Variants in GAN observed in about 807,000 individuals in gnomAD.
The protein encoded by GAN is epididymis secretory sperm binding protein.
In GAN, 48 loss-of-function variants were observed where a neutral mutation model predicts 71.3. The observed-to-expected ratio is 0.67, with a 90% CI of 0.53 to 0.86. The LOEUF is 0.86. Among genes scored for constraint, GAN ranks in the 40% least tolerant of loss-of-function variants. The pLI is 0.00. For missense variants in GAN, 928 were observed against 770.1 expected (o/e 1.21, Z -2.43); for synonymous variants, 386 against 276.8 (o/e 1.39, Z -3.92).
intron 9 of GAN, among the ~76,000 whole-genome samples, chr16:81,374,092 T>C (rs1300214590): frequency 6.6e-6 from 1 of 152,212 alleles, no homozygotes; most frequent in Admixed American, 6.5e-5. Context: ...TTGAAGGTTA[T>C]TGGTTCGTTA....
intron 1 of GAN, among the ~76,000 whole-genome samples, chr16:81,341,870 T>C (rs1909954495): frequency 6.6e-6 from 1 of 152,168 alleles, no homozygotes; most frequent in African/African-American, 2.4e-5. Context: ...CCCATCAGTG[T>C]GCTGTGTTCA....
At chr16:81,343,380 C>G (rs554504672) in intron 1 of GAN, among the ~76,000 whole-genome samples, 2 of 152,356 alleles carry the variant, frequency 1.3e-5, no homozygotes, top group South Asian at 4.1e-4. Flanking sequence ...AAAATACTGG[C>G]AAGCCGAATC....
chr16:81,330,530 A>C (rs573558498), intron 1 of GAN, among the ~76,000 whole-genome samples: 4 of 152,380 alleles, frequency 2.6e-5, no homozygotes, highest in Non-Finnish European at 4.4e-5. Context: ...TGAATGAATG[A>C]ATGCATGAAT....
Position 81,315,004 on chromosome 16 carries a change from A to G in GAN, c.-110A>G. Reference sequence around the variant, plus strand: ...CCCGGGGGCTCCAGCTTCTGCTCAGAGCGCGGAGAGCCGGGCCGGGCGGGC... The same window carrying G: ...CCCGGGGGCTCCAGCTTCTGCTCAGGGCGCGGAGAGCCGGGCCGGGCGGGC... On this transcript the variant is annotated 5_prime_UTR_variant, in exon 1 of 11. Transcript: ENST00000648994. 1.1e-6 allele frequency: 1 copy of G among 948,178 alleles called. No individual in the cohort carries two copies. The highest frequency in any genetic ancestry group is 1.4e-6 in the Non-Finnish European group (1 of 698,844). 58.7% of individuals were successfully genotyped at this position (948,178 alleles called of 1,614,324 possible).
intron 1 of GAN, among the ~76,000 whole-genome samples, chr16:81,324,996 G>A (rs541124334): frequency 7.9e-5 from 12 of 152,292 alleles, no homozygotes; most frequent in African/African-American, 2.9e-4. Context: ...ACATGTTGAT[G>A]AGGAAAAGGG....
intron 9 of GAN, among the ~76,000 whole-genome samples, chr16:81,366,747 A>AT (rs1465897458): frequency 1.3e-5 from 2 of 152,094 alleles, no homozygotes; most frequent in Non-Finnish European, 2.9e-5. Flanking sequence ...GTAGGGGCAG[A>AT]TTTTCAGACT....
At chr16:81,354,878 G>A in intron 3 of GAN, 123 bp downstream of exon 3, 2 of 660,670 alleles carry the variant, frequency 3.0e-6, no homozygotes, top group Non-Finnish European at 5.3e-6. Flanking sequence ...AAAGATACCT[G>A]TAAAACATGT....
chr16:81,332,183 GAAAA>G (rs1222318947), intron 1 of GAN, among the ~76,000 whole-genome samples: 1 of 150,508 alleles, frequency 6.6e-6, no homozygotes, highest in Admixed American at 6.6e-5. Flanking sequence ...AAAAGAAAAA[GAAAA>G]AAAAGAAGCT....
intron 2 of GAN, among the ~76,000 whole-genome samples, chr16:81,353,324 G>A (rs951033586): frequency 1.3e-5 from 2 of 150,420 alleles, no homozygotes; most frequent in African/African-American, 4.9e-5. Flanking sequence ...TGGAATGTAA[G>A]TTATAACAAA....
intron 1 of GAN, among the ~76,000 whole-genome samples, chr16:81,329,815 G>A (rs1306612790): frequency 6.6e-6 from 1 of 152,022 alleles, no homozygotes; most frequent in Non-Finnish European, 1.5e-5. Flanking sequence ...GTCTCCCACG[G>A]TGATCTCATC....
Position 81,338,248 on chromosome 16 carries a change from C to T in GAN, c.168-13335C>T, listed in dbSNP as rs1314430674. 3.3e-5 allele frequency among the ~76,000 whole-genome samples: 5 copies of T among 152,084 alleles called. No individual in the cohort carries two copies. In the East Asian group the frequency reaches 9.6e-4, roughly 29 times the overall value. On this transcript the variant is annotated intron_variant, in intron 1 of 10. Coordinates refer to ENST00000648994, the MANE Select transcript of GAN (RefSeq NM_022041.4). Reference sequence around the variant, plus strand: ...TGATATTTTAAGGTTGCTGCATTTTCTAGGAGAGTTTGTAAATTGACATCA... The same window carrying T: ...TGATATTTTAAGGTTGCTGCATTTTTTAGGAGAGTTTGTAAATTGACATCA...
rs775819533 is a variant in GAN at position 81,364,854 on chromosome 16, C to A, written c.1237-120C>A. On this transcript the variant is annotated intron_variant, in intron 7 of 10. Coordinates refer to ENST00000648994, the MANE Select transcript of GAN (RefSeq NM_022041.4). Reference sequence around the variant, plus strand: ...AATACTGAAAAGCACCATCGTTTTACGGTTAGAAATCAAACCCCTTCCTAA... The same window carrying A: ...AATACTGAAAAGCACCATCGTTTTAAGGTTAGAAATCAAACCCCTTCCTAA... The A allele has an allele frequency of 1.6e-5, 15 of 957,114 alleles. No individual in the cohort carries two copies. In the Middle Eastern group the frequency reaches 2.1e-3, roughly 135 times the overall value. 59.3% of individuals were successfully genotyped at this position (957,114 alleles called of 1,614,324 possible).
chr16:81,351,165 G>C (rs1054898886), intron 1 of GAN, among the ~76,000 whole-genome samples: 3 of 152,228 alleles, frequency 2.0e-5, no homozygotes, highest in Non-Finnish European at 4.4e-5. Context: ...TGGTGGGGAA[G>C]ACCATCTGGT....
chr16:81,339,809 G>A lies in GAN; in HGVS notation c.168-11774G>A, dbSNP rs1362832374. 2.0e-5 allele frequency among the ~76,000 whole-genome samples: 3 copies of A among 152,258 alleles called. No individual in the cohort carries two copies. The East Asian group carries it at 5.8e-4, about 29-fold the overall frequency. On this transcript the variant is annotated intron_variant, in intron 1 of 10. Coordinates refer to ENST00000648994, the MANE Select transcript of GAN (RefSeq NM_022041.4). Reference sequence around the variant, plus strand: ...TCAAAGACGGGTGGGAATTGGGCAGGCACAAATGGTATTGGGGGAGGTTAA... The same window carrying A: ...TCAAAGACGGGTGGGAATTGGGCAGACACAAATGGTATTGGGGGAGGTTAA...
chr16:81,364,684 G>T (rs940083319), intron 7 of GAN, among the ~76,000 whole-genome samples: 2 of 152,128 alleles, frequency 1.3e-5, no homozygotes, highest in African/African-American at 4.8e-5. Context: ...ACGAGACCCT[G>T]TCTCTAATAA....
intron 1 of GAN, among the ~76,000 whole-genome samples, chr16:81,336,256 G>A (rs1248694662): frequency 1.3e-5 from 2 of 152,148 alleles, no homozygotes; most frequent in South Asian, 2.1e-4. Flanking sequence ...TGTCTCAGAC[G>A]TCTGTGGAAA....
In GAN at chr16:81,384,049, T is replaced by C. The variant is rs1336185370; in HGVS notation, c.*6453T>C. ...GTTATACCAGTCAACTTGGTTTAAA[T>C]ACAACTGTACTAACTTGCTTTATCA... On this transcript the variant is annotated 3_prime_UTR_variant, in exon 11 of 11. Coordinates refer to ENST00000648994, the MANE Select transcript of GAN (RefSeq NM_022041.4). 1 of 152,184 alleles carries C rather than the reference T, an allele frequency of 6.6e-6. No homozygotes were observed. Among genetic ancestry groups the C allele is most frequent in the Non-Finnish European group, 1.5e-5 (1 of 68,028 alleles). The allele number at this position is 152,184 out of a possible 1,614,324, so 9.4% of individuals were successfully genotyped here.
intron 5 of GAN, 66 bp from the exon 6 acceptor site, chr16:81,362,433 A>G (rs16955173): frequency 0.023 from 18,386 of 814,610 alleles, 566 homozygotes; most frequent in East Asian, 0.13. Context: ...GTTTCTATAT[A>G]TGCTGTGGCG....
intron 5 of GAN, among the ~76,000 whole-genome samples, chr16:81,362,033 A>C (rs1910691087): frequency 6.6e-6 from 1 of 152,216 alleles, no homozygotes; most frequent in African/African-American, 2.4e-5. Context: ...AGAATAACCT[A>C]ATACGCCATT....
Sources: gnomAD v4.1 joint callset for allele counts (sites outside exome capture counted in the v4.1 genomes callset) on GRCh38, gnomAD v4.1.1 for gene constraint, MANE v1.5 for transcripts, NCBI Gene and HGNC (gene_info 2026-07-23, HGNC 2026-07-21) for gene names.